Variants in CHST11 observed in about 807,000 individuals in gnomAD.
The protein encoded by CHST11 is carbohydrate sulfotransferase 11.
Under a neutral mutation model 30.4 loss-of-function variants are expected in CHST11, and 9 were observed. The observed-to-expected ratio is 0.30, with a 90% CI of 0.18 to 0.52. CHST11 has a LOEUF of 0.52. Among genes scored for constraint, CHST11 ranks in the 20% least tolerant of loss-of-function variants. CHST11 has a pLI of 0.97. For missense variants in CHST11, 348 were observed against 460.6 expected (o/e 0.76, Z 2.24); for synonymous variants, 152 against 187.8 (o/e 0.81, Z 1.56).
At chr12:104,525,883 CAAGCTGTTTT>C (rs1423508959) in intron 1 of CHST11, among the ~76,000 whole-genome samples, 1 of 134,674 alleles carries the variant, frequency 7.4e-6, no homozygotes, top group African/African-American at 2.8e-5. Context: ...CGATTTTTAC[CAAGCTGTTTT>C]TTGCAGTTCA....
At chr12:104,625,761 A>AGAGT (rs1361246663) in intron 2 of CHST11, among the ~76,000 whole-genome samples, 7 of 152,368 alleles carry the variant, frequency 4.6e-5, no homozygotes, top group African/African-American at 1.7e-4. Flanking sequence ...ATTTTGTGTC[A>AGAGT]GAGTGAGCAC....
chr12:104,526,118 CT>C (rs897117596), intron 1 of CHST11, among the ~76,000 whole-genome samples: 1 of 151,802 alleles, frequency 6.6e-6, no homozygotes, highest in Non-Finnish European at 1.5e-5. Flanking sequence ...TTGTATCTGA[CT>C]TTTTTTCTTG....
intron 2 of CHST11, among the ~76,000 whole-genome samples, chr12:104,671,645 G>C (rs772241275): frequency 6.6e-6 from 1 of 152,146 alleles, no homozygotes. Context: ...TTAAAGTGAG[G>C]TGATACTTTA....
intron 1 of CHST11, among the ~76,000 whole-genome samples, chr12:104,535,281 A>G (rs1294914166): frequency 6.6e-6 from 1 of 152,212 alleles, no homozygotes; most frequent in African/African-American, 2.4e-5. Context: ...ATGGTAGGTC[A>G]AGTCTGAGAC....
At chr12:104,491,473 CT>C (rs796069866) in intron 1 of CHST11, among the ~76,000 whole-genome samples, 7 of 150,164 alleles carry the variant, frequency 4.7e-5, no homozygotes, top group Admixed American at 6.6e-5. Flanking sequence ...CTTTTCTTTT[CT>C]TTTTTTTTAG....
chr12:104,738,554 G>A (rs945035642), intron 2 of CHST11, among the ~76,000 whole-genome samples: 2 of 152,158 alleles, frequency 1.3e-5, no homozygotes, highest in Non-Finnish European at 2.9e-5. Context: ...CCTCACACCC[G>A]CCCCATGATG....
chr12:104,460,678 A>G (rs1442444994), intron 1 of CHST11, among the ~76,000 whole-genome samples: 1 of 145,112 alleles, frequency 6.9e-6, no homozygotes. Context: ...AAAAAAAAAA[A>G]AAAGAGACAA....
At chr12:104,716,264 G>T (rs1198831524) in intron 2 of CHST11, among the ~76,000 whole-genome samples, 1 of 152,128 alleles carries the variant, frequency 6.6e-6, no homozygotes, top group Non-Finnish European at 1.5e-5. Flanking sequence ...CTCTGGGATG[G>T]CCCCCATCCC....
At chr12:104,688,600 G>C (rs2039869897) in intron 2 of CHST11, among the ~76,000 whole-genome samples, 1 of 152,148 alleles carries the variant, frequency 6.6e-6, no homozygotes, top group Admixed American at 6.5e-5. Context: ...TTAAAAACCT[G>C]TAAGATATTC....
At chr12:104,605,501 C>G (rs2038996696) in intron 2 of CHST11, among the ~76,000 whole-genome samples, 1 of 152,198 alleles carries the variant, frequency 6.6e-6, no homozygotes, top group Non-Finnish European at 1.5e-5. Context: ...ATGGCGTGAG[C>G]CCGGGAGGCG....
chr12:104,677,715 C>T (rs955694616), intron 2 of CHST11, among the ~76,000 whole-genome samples: 2 of 152,238 alleles, frequency 1.3e-5, no homozygotes, highest in African/African-American at 4.8e-5. Flanking sequence ...CGCATAGCTG[C>T]GCACAGCTTC....
chr12:104,741,945 C>T (rs2040350949), intron 2 of CHST11, among the ~76,000 whole-genome samples: 1 of 152,166 alleles, frequency 6.6e-6, no homozygotes, highest in African/African-American at 2.4e-5. Context: ...TTCTTACATA[C>T]ACTGAACATT....
intron 2 of CHST11, among the ~76,000 whole-genome samples, chr12:104,643,488 G>A (rs1282828686): frequency 6.6e-6 from 1 of 152,210 alleles, no homozygotes. Flanking sequence ...CTGTACCATG[G>A]TAGGGGCAGT....
intron 2 of CHST11, among the ~76,000 whole-genome samples, chr12:104,632,847 T>A (rs1184933038): frequency 6.6e-6 from 1 of 152,212 alleles, no homozygotes; most frequent in Non-Finnish European, 1.5e-5. Flanking sequence ...CCCAGTACAC[T>A]GAAGCTATCG....
intron 1 of CHST11, among the ~76,000 whole-genome samples, chr12:104,530,283 C>CA (rs1261254650): frequency 6.6e-6 from 1 of 152,208 alleles, no homozygotes; most frequent in Non-Finnish European, 1.5e-5. Flanking sequence ...TCATTATAAT[C>CA]ATCATGATCA....
intron 1 of CHST11, among the ~76,000 whole-genome samples, chr12:104,563,116 C>T (rs2038529688): frequency 6.6e-6 from 1 of 152,166 alleles, no homozygotes; most frequent in Non-Finnish European, 1.5e-5. Flanking sequence ...TCTTGGCTCA[C>T]TCAACCTCCG....
At position 104,601,977 on chromosome 12, in the gene CHST11, T is replaced by G; in HGVS notation, c.190T>G (p.Tyr64Asp). 1 of 1,613,810 alleles carries G rather than the reference T, an allele frequency of 6.2e-7. No homozygotes were observed. Among genetic ancestry groups the G allele is most frequent in the Non-Finnish European group, 8.5e-7 (1 of 1,179,774 alleles). Residue 64 changes from tyrosine (Y) to aspartate (D), a missense_variant, in exon 2 of 3, where the codon TAC (tyrosine) becomes GAC (aspartate). Tyr to Asp is a radical substitution (Grantham distance 160). Transcript: ENST00000303694. Reference sequence around the variant, plus strand: ...GTCCCGAAGCCCCCTGCAGGAACTCTACAACCCAATCCAGGTAAGCTTCAA... The same window carrying G: ...GTCCCGAAGCCCCCTGCAGGAACTCGACAACCCAATCCAGGTAAGCTTCAA... ...KGSRSPLQEL[Y>D]NPIQLELSNT...
In CHST11 at chr12:104,457,576, C is replaced by T. The variant is rs1011288171; in HGVS notation, c.118+47C>T. 9.1e-6 allele frequency: 12 copies of T among 1,322,904 alleles called. No homozygotes were observed. The African/African-American group carries it at 1.6e-4, about 18-fold the overall frequency. The allele number at this position is 1,322,904 out of a possible 1,614,324, so 81.9% of individuals were successfully genotyped here. ...TTTTGTTGGATATTTTCTTCTCTCT[C>T]GCGCTCTAGCTCGCTCCGCCTGATT... On this transcript the variant is annotated intron_variant, in intron 1 of 2. Coordinates refer to ENST00000303694, the MANE Select transcript of CHST11 (RefSeq NM_018413.6).
intron 1 of CHST11, among the ~76,000 whole-genome samples, chr12:104,589,870 G>C (rs959878895): frequency 3.3e-5 from 5 of 152,052 alleles, no homozygotes; most frequent in Admixed American, 3.3e-4. Context: ...TTAGCTGGGC[G>C]TGGTGGCACA....
Sources: allele counts gnomAD v4.1 joint callset (sites outside exome capture counted in the v4.1 genomes callset), GRCh38; gene constraint gnomAD v4.1.1; transcripts MANE v1.5; gene names NCBI Gene and HGNC (gene_info 2026-07-23, HGNC 2026-07-21).